HEATR4: variants seen among roughly 807,000 people sequenced by gnomAD.
HEATR4 encodes HEAT repeat-containing protein 4.
HEATR4 carries 95 observed loss-of-function variants against 108.8 expected under a neutral mutation model. That is an observed-to-expected ratio of 0.87 (90% CI 0.74 to 1.04). HEATR4 has a LOEUF of 1.04. Among genes scored for constraint, HEATR4 ranks in the 50% least tolerant of loss-of-function variants. The pLI is 0.00. For synonymous variants in HEATR4, 443 were observed against 459.4 expected (o/e 0.96, Z 0.46); for missense variants, 1,152 against 1,253.8 (o/e 0.92, Z 1.23).
rs60785123 is a variant in HEATR4, at chr14:73,540,500, A to C, written c.-151-10256T>G. Among the ~76,000 whole-genome samples the C allele has an allele frequency of 5.3e-3, 574 of 108,224 alleles. 127 individuals carry two copies. The highest frequency in any genetic ancestry group is 0.015 in the Middle Eastern group (3 of 200). 71.0% of individuals were successfully genotyped at this position (108,224 alleles called of 152,430 possible). On this transcript the variant is annotated intron_variant, in intron 1 of 17. Transcript: ENST00000553558. ...CCACTGTTGAGTGAAACAGTCAAAC[A>C]CTAGGAGAACACATTCAGTATCATT...
chr14:73,479,263 C>T (rs1885145897), intron 17 of HEATR4, among the ~76,000 whole-genome samples: 1 of 149,890 alleles, frequency 6.7e-6, no homozygotes, highest in Non-Finnish European at 1.5e-5. Flanking sequence ...CTACAGGCGC[C>T]CACCACCACG....
the HEATR4 span, chr14:73,610,878 C>T: frequency 6.6e-6 from 1 of 152,172 alleles, no homozygotes; most frequent in East Asian, 1.9e-4. Context: ...TCTTTCAATG[C>T]TTTAACCCAG....
At chr14:73,490,074 A>C (rs1018758059) in intron 17 of HEATR4, among the ~76,000 whole-genome samples, 17 of 152,220 alleles carry the variant, frequency 1.1e-4, no homozygotes, top group Admixed American at 1.1e-3. Flanking sequence ...TAGAAGGAAA[A>C]AACAGTCAAG....
At chr14:73,592,349 C>T in the HEATR4 span, 1 of 1,595,910 alleles carries the variant, frequency 6.3e-7, no homozygotes. Context: ...GCCACTTCCT[C>T]CCGCCAGGGG....
At position 73,538,685 on chromosome 14, in the gene HEATR4, CA is replaced by C. The variant is rs1330063881; in HGVS notation, c.-151-8442del. Among the ~76,000 whole-genome samples the C allele has an allele frequency of 2.0e-5, 2 of 98,136 alleles. 1 individual carries two copies. Among genetic ancestry groups the C allele is most frequent in the Admixed American group, 2.3e-4 (2 of 8,778 alleles). 64.4% of individuals were successfully genotyped at this position (98,136 alleles called of 152,430 possible). The stretch of plus-strand genomic sequence containing the variant: ...AATATTAAAAACAAACAAAACAAAA[CA>C]AAAAAAACAGGCCGGACGCGGTGGC... On this transcript the variant is annotated intron_variant, in intron 1 of 17. Transcript: ENST00000553558.
the HEATR4 span, chr14:73,611,384 TCAGACTGCC>T: frequency 1.3e-5 from 2 of 152,252 alleles, no homozygotes; most frequent in East Asian, 3.8e-4. Context: ...ACAACTCCTA[TCAGACTGCC>T]CCCTTCCCTT....
the HEATR4 span, among the ~76,000 whole-genome samples, chr14:73,594,658 T>C: frequency 1.3e-5 from 2 of 151,916 alleles, no homozygotes; most frequent in Non-Finnish European, 2.9e-5. Context: ...AGAAAAATGT[T>C]TTTGCATTGG....
At chr14:73,589,493 T>A in the HEATR4 span, among the ~76,000 whole-genome samples, 14 of 152,120 alleles carry the variant, frequency 9.2e-5, no homozygotes, top group Admixed American at 3.3e-4. Flanking sequence ...CTAATTTTTG[T>A]ATTGTTAGTG....
chr14:73,619,366 C>T, the HEATR4 span: 2 of 1,614,048 alleles, frequency 1.2e-6, no homozygotes, highest in African/African-American at 1.3e-5. Flanking sequence ...AGTAGCTCCT[C>T]TACATTACAA....
chr14:73,540,242 A>G (rs1889030781), intron 1 of HEATR4, among the ~76,000 whole-genome samples: 1 of 151,578 alleles, frequency 6.6e-6, no homozygotes, highest in African/African-American at 2.4e-5. Context: ...CAGGAGGCAT[A>G]TTCCTTATAA....
chr14:73,590,081 A>G, the HEATR4 span, among the ~76,000 whole-genome samples: 37 of 152,308 alleles, frequency 2.4e-4, no homozygotes, highest in Admixed American at 2.0e-3. Flanking sequence ...ACCTTCCCGC[A>G]ACGTAGAAAA....
intron 2 of HEATR4, among the ~76,000 whole-genome samples, chr14:73,523,814 A>G (rs1207671980): frequency 6.6e-6 from 1 of 152,140 alleles, no homozygotes; most frequent in Non-Finnish European, 1.5e-5. Flanking sequence ...ACCAGGTCAT[A>G]CCCAAGTTTA....
At chr14:73,558,370 G>GTT (rs67300726) in intron 1 of HEATR4, among the ~76,000 whole-genome samples, 2,110 of 120,298 alleles carry the variant, frequency 0.018, 130 homozygotes, top group African/African-American at 0.046. Context: ...GCCTTGATTT[G>GTT]TTTTTTTTTT....
intron 2 of HEATR4, among the ~76,000 whole-genome samples, chr14:73,523,892 T>C (rs1161367967): frequency 2.0e-5 from 3 of 152,222 alleles, no homozygotes; most frequent in Non-Finnish European, 2.9e-5. Context: ...TTGTTAAATA[T>C]TTGAGACTCT....
chr14:73,589,717 G>A, the HEATR4 span, among the ~76,000 whole-genome samples: 1 of 152,138 alleles, frequency 6.6e-6, no homozygotes, highest in Non-Finnish European at 1.5e-5. Flanking sequence ...TTTCCAGACT[G>A]GTCTTGGTCT....
chr14:73,600,474 G>A, the HEATR4 span, among the ~76,000 whole-genome samples: 3 of 151,208 alleles, frequency 2.0e-5, no homozygotes, highest in African/African-American at 4.9e-5. Flanking sequence ...TTTCCAAGAC[G>A]GAGTTTTGCT....
the HEATR4 span, among the ~76,000 whole-genome samples, chr14:73,629,648 A>ATTT: frequency 6.9e-6 from 1 of 145,380 alleles, no homozygotes; most frequent in South Asian, 2.2e-4. Flanking sequence ...GAAAGTTTAG[A>ATTT]TTTTTTTTTT....
At chr14:73,483,475 T>TG (rs1254241975) in intron 17 of HEATR4, among the ~76,000 whole-genome samples, 1 of 152,156 alleles carries the variant, frequency 6.6e-6, no homozygotes, top group Non-Finnish European at 1.5e-5. Flanking sequence ...CTCCTGTCTC[T>TG]GGCCTCACAT....
At chr14:73,486,616 T>C (rs1175284877) in intron 17 of HEATR4, among the ~76,000 whole-genome samples, 2 of 151,990 alleles carry the variant, frequency 1.3e-5, no homozygotes, top group Non-Finnish European at 2.9e-5. Flanking sequence ...GAGAATTGCT[T>C]GAACCCAGGA....
Sources: gnomAD v4.1 joint callset for allele counts (sites outside exome capture counted in the v4.1 genomes callset) on GRCh38, gnomAD v4.1.1 for gene constraint, MANE v1.5 for transcripts, NCBI Gene and HGNC (gene_info 2026-07-23, HGNC 2026-07-21) for gene names.